Variants in CLYBL observed in about 807,000 individuals in gnomAD.
CLYBL encodes the protein citramalyl-CoA lyase, mitochondrial.
CLYBL carries 31 observed loss-of-function variants against 38.9 expected under a neutral mutation model. The observed-to-expected ratio is 0.80, with a 90% CI of 0.60 to 1.08. CLYBL has a LOEUF of 1.08. Among genes scored for constraint, CLYBL ranks in the 50% least tolerant of loss-of-function variants. The pLI is 0.00. For missense variants in CLYBL, 434 were observed against 411.6 expected (o/e 1.05, Z -0.47); for synonymous variants, 171 against 158.6 (o/e 1.08, Z -0.59).
intron 1 of CLYBL, among the ~76,000 whole-genome samples, chr13:99,710,086 G>A (rs557836434): frequency 2.6e-5 from 4 of 152,024 alleles, no homozygotes; most frequent in Admixed American, 2.0e-4. Flanking sequence ...CACCAAGCCC[G>A]GCTAATTTTT....
chr13:99,866,814 T>A (rs868589383), intron 6 of CLYBL, among the ~76,000 whole-genome samples: 6 of 151,950 alleles, frequency 3.9e-5, no homozygotes, highest in African/African-American at 2.4e-5. Context: ...TGAAAAAAAA[T>A]GTTGGTGATA....
chr13:99,737,883 C>G (rs1017535569), intron 1 of CLYBL, among the ~76,000 whole-genome samples: 1 of 152,118 alleles, frequency 6.6e-6, no homozygotes, highest in Non-Finnish European at 1.5e-5. Context: ...TTTTTTCTAA[C>G]CTTTTTTTTT....
At chr13:99,841,598 C>T (rs1297944202) in intron 2 of CLYBL, among the ~76,000 whole-genome samples, 2 of 152,012 alleles carry the variant, frequency 1.3e-5, no homozygotes, top group African/African-American at 2.4e-5. Context: ...TGGGGTTTCG[C>T]CATGTTGGCC....
chr13:99,750,037 G>A lies in CLYBL; in HGVS notation c.63-22787G>A, dbSNP rs149351707. ...CTTAAGAGAGTAGGGAAAGATGGGT[G>A]AATAGGCTCTTACCTTCACTCAGTA... On this transcript the variant is annotated intron_variant, in intron 1 of 8. Coordinates refer to ENST00000339105, the MANE Select transcript of CLYBL (RefSeq NM_206808.5). Among the ~76,000 whole-genome samples the A allele has an allele frequency of 5.9e-5, 9 of 152,222 alleles. No individual in the cohort carries two copies. The East Asian group carries it at 1.7e-3, about 29-fold the overall frequency.
At chr13:99,712,880 T>A (rs2048256664) in intron 1 of CLYBL, among the ~76,000 whole-genome samples, 1 of 152,188 alleles carries the variant, frequency 6.6e-6, no homozygotes, top group Non-Finnish European at 1.5e-5. Flanking sequence ...ACTCTGTATT[T>A]CCAGTATCTG....
At chr13:99,748,413 A>G (rs183043856) in intron 1 of CLYBL, among the ~76,000 whole-genome samples, 2 of 141,240 alleles carry the variant, frequency 1.4e-5, no homozygotes, top group East Asian at 4.1e-4. Flanking sequence ...CCTGGCAACT[A>G]TCACTCTAGT....
chr13:99,684,052 T>G (rs1280206836), intron 1 of CLYBL, among the ~76,000 whole-genome samples: 1 of 145,540 alleles, frequency 6.9e-6, no homozygotes. Flanking sequence ...TTTTTTTTTT[T>G]TGTATTTTTA....
At position 99,731,422 on chromosome 13, in the gene CLYBL, C is replaced by T. The variant is rs541358650; in HGVS notation, c.63-41402C>T. On this transcript the variant is annotated intron_variant, in intron 1 of 8. Transcript: ENST00000339105. ...GCCATGGTGGGAGGATTACTTGAGG[C>T]CAGGAGTTTGAGATCAGCCTAAGTA... Among the ~76,000 whole-genome samples the T allele has an allele frequency of 1.5e-3, 229 of 150,078 alleles. 1 individual carries two copies. Among genetic ancestry groups the T allele is most frequent in the Middle Eastern group, 7.1e-3 (2 of 282 alleles).
At chr13:99,679,236 G>T (rs2047697133) in intron 1 of CLYBL, among the ~76,000 whole-genome samples, 1 of 149,942 alleles carries the variant, frequency 6.7e-6, no homozygotes, top group African/African-American at 2.5e-5. Flanking sequence ...GGAGGTTGCA[G>T]TAAGCCAAGA....
chr13:99,633,009 G>A (rs1431804279), intron 1 of CLYBL, among the ~76,000 whole-genome samples: 2 of 152,052 alleles, frequency 1.3e-5, no homozygotes, highest in Admixed American at 1.3e-4. Flanking sequence ...GGGGGCCCAG[G>A]TGGGTGGATC....
intron 1 of CLYBL, among the ~76,000 whole-genome samples, chr13:99,682,893 C>T (rs567757699): frequency 2.0e-5 from 3 of 151,828 alleles, no homozygotes; most frequent in South Asian, 2.1e-4. Context: ...CCTGTCACCA[C>T]GCCCGGCTAA....
At chr13:99,626,116 G>A (rs979726096) in intron 1 of CLYBL, among the ~76,000 whole-genome samples, 8 of 152,226 alleles carry the variant, frequency 5.3e-5, no homozygotes. Context: ...GGCCGGTGGT[G>A]AAGCAGGGAT....
intron 1 of CLYBL, among the ~76,000 whole-genome samples, chr13:99,734,527 C>T (rs2048637583): frequency 6.6e-6 from 1 of 152,104 alleles, no homozygotes; most frequent in East Asian, 1.9e-4. Context: ...GTTAGGGAGC[C>T]CTGAAATCTT....
intron 2 of CLYBL, among the ~76,000 whole-genome samples, chr13:99,786,426 A>G (rs1175726984): frequency 1.3e-5 from 2 of 151,860 alleles, no homozygotes; most frequent in African/African-American, 2.4e-5. Flanking sequence ...CTCATTGTTC[A>G]GTTCCCACCT....
intron 1 of CLYBL, among the ~76,000 whole-genome samples, chr13:99,640,513 G>A (rs1191383302): frequency 1.3e-5 from 2 of 152,204 alleles, no homozygotes; most frequent in African/African-American, 4.8e-5. Context: ...TCCCTGTAGT[G>A]TTCTTTTGAG....
intron 2 of CLYBL, among the ~76,000 whole-genome samples, chr13:99,787,305 TTTC>T (rs1416521912): frequency 1.3e-5 from 2 of 152,182 alleles, no homozygotes; most frequent in Non-Finnish European, 2.9e-5. Flanking sequence ...TCGCCTAGGT[TTTC>T]TTCTAGGGTT....
intron 3 of CLYBL, among the ~76,000 whole-genome samples, chr13:99,862,287 G>A (rs1435953496): frequency 1.3e-5 from 2 of 152,118 alleles, no homozygotes; most frequent in African/African-American, 4.8e-5. Flanking sequence ...AATTTAGAGT[G>A]TGTTTTTTTC....
chr13:99,635,851 A>G (rs1377840643), intron 1 of CLYBL, among the ~76,000 whole-genome samples: 1 of 152,172 alleles, frequency 6.6e-6, no homozygotes, highest in African/African-American at 2.4e-5. Flanking sequence ...ACTACTGCTT[A>G]CTTTGCTGAG....
chr13:99,842,923 G>A (rs954817308), intron 2 of CLYBL, among the ~76,000 whole-genome samples: 6 of 150,926 alleles, frequency 4.0e-5, no homozygotes, highest in East Asian at 4.1e-4. Flanking sequence ...ATCCCTTTGC[G>A]GGGGGAAAAA....
Sources: gnomAD v4.1 joint callset for allele counts (sites outside exome capture counted in the v4.1 genomes callset) on GRCh38, gnomAD v4.1.1 for gene constraint, MANE v1.5 for transcripts, NCBI Gene and HGNC (gene_info 2026-07-23, HGNC 2026-07-21) for gene names.